The following EYS variants were observed in gnomAD, a reference collection of about 807,000 sequenced individuals.
EYS encodes the protein EGF-like photoreceptor maintenance factor.
EYS carries 250 observed loss-of-function variants against 282.1 expected under a neutral mutation model. The observed-to-expected ratio is 0.89, with a 90% confidence interval of 0.80 to 0.98. The LOEUF (loss-of-function observed/expected upper bound fraction) is 0.98. EYS is among the 50% of genes least tolerant of loss of function. EYS has a pLI of 0.00. For synonymous variants in EYS, 1,355 were observed against 1,282.9 expected, an observed-to-expected ratio of 1.06 and a Z score of -1.20; for missense variants, 4,016 against 3,709.0, an observed-to-expected ratio of 1.08 and a Z score of -2.15.
At chr6:65,203,942 G>C (rs1765964635) in intron 12 of EYS, among the ~76,000 whole-genome samples, 1 of 151,918 alleles carries the variant, frequency 6.6e-6, no homozygotes. Flanking sequence ...TTTAACAGTA[G>C]AGTAGAAAAA....
chr6:64,665,933 G>GA (rs1769214035), intron 22 of EYS, among the ~76,000 whole-genome samples: 1 of 23,438 alleles, frequency 4.3e-5, no homozygotes, highest in African/African-American at 5.2e-5. Context: ...GGTGGCTGGA[G>GA]GCCAGGAACT....
chr6:64,015,517 A>T (rs1768849849), intron 33 of EYS, among the ~76,000 whole-genome samples: 1 of 152,236 alleles, frequency 6.6e-6, no homozygotes, highest in Non-Finnish European at 1.5e-5. Flanking sequence ...GAAGAAAAAA[A>T]GAAAAAATTG....
intron 9 of EYS, among the ~76,000 whole-genome samples, chr6:65,350,812 A>C (rs766607902): frequency 1.3e-5 from 2 of 151,772 alleles, no homozygotes; most frequent in Non-Finnish European, 3.0e-5. Context: ...TCTTCTAATT[A>C]ATCACCATCC....
intron 2 of EYS, among the ~76,000 whole-genome samples, chr6:65,562,605 G>A (rs911622344): frequency 2.0e-5 from 3 of 151,878 alleles, no homozygotes; most frequent in Admixed American, 1.3e-4. Flanking sequence ...AGTTGGTCAG[G>A]GTGCTCAATT....
intron 11 of EYS, among the ~76,000 whole-genome samples, chr6:65,301,916 C>T (rs1299186608): frequency 6.6e-6 from 1 of 152,190 alleles, no homozygotes; most frequent in South Asian, 2.1e-4. Flanking sequence ...TGGGGATATT[C>T]CCTGCCCAAA....
intron 2 of EYS, among the ~76,000 whole-genome samples, chr6:65,597,843 G>A (rs922804051): frequency 6.6e-6 from 1 of 152,088 alleles, no homozygotes; most frequent in South Asian, 2.1e-4. Flanking sequence ...GCTCACACCT[G>A]TAATCCCAAT....
intron 19 of EYS, among the ~76,000 whole-genome samples, chr6:64,877,686 G>T (rs770125290): frequency 6.6e-6 from 1 of 152,138 alleles, no homozygotes; most frequent in Non-Finnish European, 1.5e-5. Context: ...TTAATCTTGG[G>T]ATTAAAGCAT....
chr6:64,140,442 G>A (rs1017737434), intron 31 of EYS, among the ~76,000 whole-genome samples: 1 of 152,138 alleles, frequency 6.6e-6, no homozygotes, highest in African/African-American at 2.4e-5. Flanking sequence ...TACTTCTTCA[G>A]ATGTACTCTC....
At chr6:64,053,061 C>T (rs1325209323) in intron 33 of EYS, among the ~76,000 whole-genome samples, 18 of 152,032 alleles carry the variant, frequency 1.2e-4, no homozygotes, top group Admixed American at 1.2e-3. Flanking sequence ...TTATAAACAA[C>T]TTTAAAATAT....
intron 12 of EYS, among the ~76,000 whole-genome samples, chr6:65,193,442 C>A (rs1159570892): frequency 6.6e-6 from 1 of 151,582 alleles, no homozygotes; most frequent in Non-Finnish European, 1.5e-5. Context: ...TGCGCCTTTT[C>A]AAAAAGGTGA....
intron 35 of EYS, among the ~76,000 whole-genome samples, chr6:63,917,468 C>T (rs945337645): frequency 6.6e-6 from 1 of 152,234 alleles, no homozygotes; most frequent in African/African-American, 2.4e-5. Flanking sequence ...TGCTAAAAGA[C>T]ATAGCAACAG....
intron 26 of EYS, among the ~76,000 whole-genome samples, chr6:64,455,047 C>A (rs1775507936): frequency 6.6e-6 from 1 of 152,022 alleles, no homozygotes; most frequent in African/African-American, 2.4e-5. Context: ...ACATATTGAG[C>A]AACCTTGTCG....
At chr6:64,406,923 A>G (rs1159331589) in intron 28 of EYS, among the ~76,000 whole-genome samples, 1 of 152,218 alleles carries the variant, frequency 6.6e-6, no homozygotes, top group Non-Finnish European at 1.5e-5. Context: ...AGAACTAGAA[A>G]ATTGACCCAG....
intron 33 of EYS, among the ~76,000 whole-genome samples, chr6:64,005,758 T>C (rs570722211): frequency 2.6e-5 from 4 of 152,304 alleles, no homozygotes; most frequent in African/African-American, 9.6e-5. Context: ...GTTAACTTTA[T>C]TGAAGATCAG....
chr6:65,363,509 T>C (rs1481484602), intron 8 of EYS, among the ~76,000 whole-genome samples: 1 of 151,956 alleles, frequency 6.6e-6, no homozygotes, highest in African/African-American at 2.4e-5. Context: ...CACAACATTG[T>C]AAATGTTATG....
intron 22 of EYS, among the ~76,000 whole-genome samples, chr6:64,708,593 C>T (rs1043109568): frequency 9.9e-5 from 15 of 152,118 alleles, no homozygotes; most frequent in African/African-American, 2.4e-4. Flanking sequence ...CTTCCTTCAG[C>T]GTAAATGACA....
intron 33 of EYS, among the ~76,000 whole-genome samples, chr6:64,001,557 G>A (rs1191025293): frequency 6.6e-6 from 1 of 151,944 alleles, no homozygotes; most frequent in African/African-American, 2.4e-5. Context: ...CAATTTATTT[G>A]TAGATTTTTA....
chr6:64,915,731 G>A (rs889387003), intron 15 of EYS, among the ~76,000 whole-genome samples: 8 of 152,010 alleles, frequency 5.3e-5, no homozygotes, highest in African/African-American at 1.7e-4. Flanking sequence ...TTTTAAAATT[G>A]TCAAATATAT....
intron 18 of EYS, among the ~76,000 whole-genome samples, chr6:64,887,460 A>G (rs1369930472): frequency 2.0e-5 from 3 of 152,010 alleles, no homozygotes; most frequent in African/African-American, 7.2e-5. Flanking sequence ...AAAAGAAATA[A>G]TTTCCAAAGG....
Sources: gnomAD v4.1 joint callset for allele counts (sites outside exome capture counted in the v4.1 genomes callset) on GRCh38, gnomAD v4.1.1 for gene constraint, MANE v1.5 for transcripts, NCBI Gene and HGNC (gene_info 2026-07-23, HGNC 2026-07-21) for gene names.